APAF1: variants seen among roughly 807,000 people sequenced by gnomAD.
APAF1 encodes the protein apoptotic protease-activating factor 1.
In APAF1, 91 loss-of-function variants were observed where a neutral mutation model predicts 152.4. The observed-to-expected ratio is 0.60, with a 90% CI of 0.50 to 0.71. APAF1 has a LOEUF of 0.71. Ranked by LOEUF, APAF1 falls within the 30% of genes least tolerant of loss-of-function variation. The pLI is 0.00. For missense variants in APAF1, 1,283 were observed against 1,472.0 expected, an observed-to-expected ratio of 0.87 and a Z score of 2.10; for synonymous variants, 484 against 494.1, an observed-to-expected ratio of 0.98 and a Z score of 0.27.
At chr12:98,692,582 T>A (rs911851838) in intron 16 of APAF1, among the ~76,000 whole-genome samples, 14 of 152,172 alleles carry the variant, frequency 9.2e-5, no homozygotes, top group African/African-American at 3.4e-4. Context: ...CATTTATTGT[T>A]CTTATCTTTA....
chr12:98,719,569 G>A (rs2097739440), intron 22 of APAF1, among the ~76,000 whole-genome samples: 1 of 150,952 alleles, frequency 6.6e-6, no homozygotes, highest in Non-Finnish European at 1.5e-5. Context: ...GGCCAGGATG[G>A]TCTCGATCTC....
At chr12:98,725,337 T>C in intron 24 of APAF1, 78 bp from the exon 25 acceptor site, 1 of 1,579,068 alleles carries the variant, frequency 6.3e-7, no homozygotes. Context: ...TGATTGAATT[T>C]ATGGCTGAAT....
chr12:98,665,278 A>ATTTTT (rs376318016), intron 7 of APAF1, among the ~76,000 whole-genome samples: 7 of 65,994 alleles, frequency 1.1e-4, no homozygotes, highest in South Asian at 5.3e-4. Context: ...ATATATATAT[A>ATTTTT]TTTTTTTTTT....
intron 22 of APAF1, among the ~76,000 whole-genome samples, chr12:98,719,516 ATT>A (rs60298983): frequency 1.7e-4 from 24 of 138,226 alleles, no homozygotes; most frequent in Admixed American, 2.2e-4. Flanking sequence ...TTTCCGGCTA[ATT>A]TTTTTTTTTT....
At position 98,665,757 on chromosome 12, in the gene APAF1, C is replaced by G. The variant is rs1310426717; in HGVS notation, c.1160C>G (p.Ser387Cys). 4 of 1,613,674 alleles carry G rather than the reference C, an allele frequency of 2.5e-6. No homozygotes were observed. The highest frequency in any genetic ancestry group is 3.4e-6 in the Non-Finnish European group (4 of 1,179,752). The stretch of plus-strand genomic sequence containing the variant: ...ATCAAAGATTATTACACAGATCTTT[C>G]CATCCTTCAGAAGGACGTTAAGGTG... Reference protein sequence around the residue: ...EDIKDYYTDLSILQKDVKVPT... With the variant: ...EDIKDYYTDLCILQKDVKVPT... Residue 387 changes from serine (S) to cysteine (C), a missense_variant, in exon 8 of 27, where the codon TCC (serine) becomes TGC (cysteine). Physicochemically the swap from Ser to Cys is moderately radical, Grantham distance 112. Coordinates refer to ENST00000551964, the MANE Select transcript of APAF1 (RefSeq NM_181861.2).
chr12:98,679,127 C>T (rs1404195381), intron 13 of APAF1, among the ~76,000 whole-genome samples: 2 of 152,200 alleles, frequency 1.3e-5, no homozygotes, highest in South Asian at 2.1e-4. Flanking sequence ...CCCATGTCTG[C>T]CCATGGACCA....
intron 16 of APAF1, among the ~76,000 whole-genome samples, chr12:98,699,059 A>G (rs76211385): frequency 0.084 from 12,809 of 152,240 alleles, 724 homozygotes; most frequent in East Asian, 0.25. Flanking sequence ...CTGGCACAGC[A>G]GAGGGCAGCA....
At chr12:98,660,171 C>T (rs1368061644) in intron 5 of APAF1, among the ~76,000 whole-genome samples, 1 of 152,070 alleles carries the variant, frequency 6.6e-6, no homozygotes, top group African/African-American at 2.4e-5. Flanking sequence ...CATGATGAAA[C>T]CCTGTCTTTC....
rs369734554 is a variant in APAF1 at position 98,712,504 on chromosome 12, G to T, written c.2958+69G>T. 2.3e-3 allele frequency: 2,119 copies of T among 919,392 alleles called. 38 individuals carry two copies. Among genetic ancestry groups the T allele is most frequent in the South Asian group, 0.021 (1,566 of 75,776 alleles). The allele number at this position is 919,392 out of a possible 1,614,324, so 57.0% of individuals were successfully genotyped here. ...TAAAACTAATTATATGTCTGGCATT[G>T]TGCACTTCTATTTTTATTTATTTTT... On this transcript the variant is annotated intron_variant, in intron 21 of 26. Transcript: ENST00000551964.
chr12:98,657,313 A>T (rs2097659048), intron 4 of APAF1, among the ~76,000 whole-genome samples: 1 of 152,262 alleles, frequency 6.6e-6, no homozygotes, highest in South Asian at 2.1e-4. Context: ...TTTATTGTCC[A>T]TCATTCAGTT....
chr12:98,709,426 G>A (rs913524299), intron 20 of APAF1, among the ~76,000 whole-genome samples: 12 of 152,096 alleles, frequency 7.9e-5, no homozygotes, highest in Admixed American at 4.6e-4. Context: ...TCAGGAGCTC[G>A]GAGTGGTGGT....
intron 12 of APAF1, 151 bp downstream of exon 12, chr12:98,671,870 G>A (rs1232898054): frequency 6.7e-6 from 5 of 749,568 alleles, no homozygotes; most frequent in African/African-American, 3.5e-5. Context: ...AAAAGTTCTA[G>A]AGAAGTAAGC....
chr12:98,700,381 A>G (rs2153334571), intron 17 of APAF1, among the ~76,000 whole-genome samples: 1 of 152,358 alleles, frequency 6.6e-6, no homozygotes, highest in Non-Finnish European at 1.5e-5. Context: ...TTTAAAGAGC[A>G]TAATTGAAAT....
At chr12:98,693,832 T>C (rs4609647) in intron 16 of APAF1, among the ~76,000 whole-genome samples, 17,765 of 150,694 alleles carry the variant, frequency 0.12, 1,128 homozygotes, top group East Asian at 0.24. Context: ...GGCTTACTTT[T>C]TCAGCTTGGT....
At chr12:98,700,701 C>T (rs1267032533) in intron 17 of APAF1, among the ~76,000 whole-genome samples, 1 of 152,182 alleles carries the variant, frequency 6.6e-6, no homozygotes, top group African/African-American at 2.4e-5. Context: ...GTAGCCATTA[C>T]TACTATATAT....
chr12:98,680,499 C>A lies in APAF1; in HGVS notation c.2046+97C>A, dbSNP rs2097691139. 5 of 1,194,610 alleles carry A rather than the reference C, an allele frequency of 4.2e-6. No individual in the cohort carries two copies. The Admixed American group carries it at 5.8e-5, about 14-fold the overall frequency. The allele number at this position is 1,194,610 out of a possible 1,614,324, so 74.0% of individuals were successfully genotyped here. On this transcript the variant is annotated intron_variant, in intron 14 of 26. Coordinates refer to ENST00000551964, the MANE Select transcript of APAF1 (RefSeq NM_181861.2). ...AGAGTAAGTAGAGTTAAAGGACTCT[C>A]ACCTGTTGATCTACTAACCTGATTC...
chr12:98,698,031 A>G (rs2097711614), intron 16 of APAF1, among the ~76,000 whole-genome samples: 1 of 152,182 alleles, frequency 6.6e-6, no homozygotes, highest in Admixed American at 6.5e-5. Context: ...AAATGCTGGT[A>G]TTAGTTTATG....
rs145414367 is a variant in APAF1, at chr12:98,687,865, A to G, written c.2304+992A>G. Among the ~76,000 whole-genome samples, 415 of 152,162 alleles carry G rather than the reference A, an allele frequency of 2.7e-3. 9 individuals carry two copies. The East Asian group carries it at 0.049, about 18-fold the overall frequency. On this transcript the variant is annotated intron_variant, in intron 16 of 26. Transcript: ENST00000551964. ...CTCACTCTGTCGCCCAGGCTGGAGT[A>G]CAATGGTGTGATCTTGGCTCACTGC...
chr12:98,669,081 A>G (rs1463461423), intron 10 of APAF1, among the ~76,000 whole-genome samples: 2 of 152,210 alleles, frequency 1.3e-5, no homozygotes, highest in African/African-American at 4.8e-5. Context: ...AGCAAAATAT[A>G]TTTACATTTA....
Sources: gnomAD v4.1 joint callset for allele counts (sites outside exome capture counted in the v4.1 genomes callset) on GRCh38, gnomAD v4.1.1 for gene constraint, MANE v1.5 for transcripts, NCBI Gene and HGNC (gene_info 2026-07-23, HGNC 2026-07-21) for gene names.